E2F8: variants seen among roughly 807,000 people sequenced by gnomAD.
The protein encoded by E2F8 is transcription factor E2F8.
In E2F8, 35 loss-of-function variants were observed where a neutral mutation model predicts 80.8. That is an observed-to-expected ratio of 0.43 (90% CI 0.33 to 0.57). The LOEUF (loss-of-function observed/expected upper bound fraction) is 0.57. Among genes scored for constraint, E2F8 ranks in the 20% least tolerant of loss-of-function variants. E2F8 has a pLI of 0.04. For synonymous variants in E2F8, 386 were observed against 395.0 expected, an observed-to-expected ratio of 0.98 and a Z score of 0.27; for missense variants, 975 against 1,056.2, an observed-to-expected ratio of 0.92 and a Z score of 1.07.
At chr11:19,236,069 G>A (rs944479375) in intron 4 of E2F8, among the ~76,000 whole-genome samples, 16 of 152,180 alleles carry the variant, frequency 1.1e-4, no homozygotes, top group African/African-American at 3.6e-4. Context: ...TATTTGATGA[G>A]ATCAGCCTTT....
chr11:19,241,636 C>T (rs917814514), upstream of E2F8: 13 of 152,466 alleles, frequency 8.5e-5, no homozygotes, highest in African/African-American at 2.9e-4. This position sits in a 1 kb window ranked among gnomAD's most constrained non-coding sequence, Gnocchi z 4.5. Flanking sequence ...TAACCCGCTC[C>T]CGGCGCGAGC....
intron 10 of E2F8, among the ~76,000 whole-genome samples, chr11:19,228,912 C>T (rs1037347177): frequency 6.6e-6 from 1 of 152,132 alleles, no homozygotes; most frequent in Non-Finnish European, 1.5e-5. Context: ...CTCTAGAAAC[C>T]AATACATGAA....
Position 19,238,141 on chromosome 11 carries a change from A to G in E2F8, c.16-9T>C, listed in dbSNP as rs768562742. The G allele has an allele frequency of 6.3e-7, 1 of 1,594,504 alleles. No individual in the cohort carries two copies. Among genetic ancestry groups the G allele is most frequent in the African/African-American group, 1.4e-5 (1 of 73,654 alleles). ...TCACAAAAGAGATTTTCCTGGTTTA[A>G]AAAATGTAAATAATTAAATCCATGG... On this transcript the variant is annotated splice_polypyrimidine_tract_variant and intron_variant, in intron 2 of 12. Coordinates refer to ENST00000250024, the MANE Select transcript of E2F8 (RefSeq NM_024680.4).
At chr11:19,239,159 A>C (rs972707655) in intron 2 of E2F8, among the ~76,000 whole-genome samples, 22 of 152,262 alleles carry the variant, frequency 1.4e-4, no homozygotes, top group African/African-American at 4.8e-4. Context: ...TCTTGGGTTT[A>C]TCAAGTGCAT....
chr11:19,225,301 T>C lies in E2F8; in HGVS notation c.2341A>G (p.Arg781Gly), dbSNP rs761903924. 2 of 1,614,202 alleles carry C rather than the reference T, an allele frequency of 1.2e-6. No individual in the cohort carries two copies. Among genetic ancestry groups the C allele is most frequent in the South Asian group, 2.2e-5 (2 of 91,088 alleles). ...ACTGGTGAGTCATAGTTGGTGGCCC[T>C]TCCTTGCTGAGTGCCTGCATTTTCT... The part of the protein sequence containing the change: ...APENAGTQQG[R>G]ATNYDSPVPG... Residue 781 changes from arginine to glycine, a missense_variant, in exon 12 of 13, where the codon AGG becomes GGG. Physicochemically the swap from Arg to Gly is moderately radical, Grantham distance 125. Transcript: ENST00000250024.
intron 2 of E2F8, among the ~76,000 whole-genome samples, 198 bp from the exon 3 acceptor site, chr11:19,238,330 T>A (rs1851577480): frequency 1.3e-5 from 2 of 152,246 alleles, no homozygotes; most frequent in African/African-American, 4.8e-5. Context: ...ACATTTCCCA[T>A]TTTTAATTTT....
intron 10 of E2F8, among the ~76,000 whole-genome samples, chr11:19,228,136 G>A (rs1851283007): frequency 1.3e-5 from 2 of 152,062 alleles, no homozygotes; most frequent in African/African-American, 2.4e-5. Context: ...AGAAGCAGGA[G>A]TATATGGAAA....
At position 19,229,758 on chromosome 11, in the gene E2F8, G is replaced by A. The variant is rs565889381; in HGVS notation, c.1589C>T (p.Ala530Val). Residue 530 changes from alanine to valine, a missense_variant, in exon 10 of 13, where the codon GCC (alanine) becomes GTC (valine). Physicochemically the swap from Ala to Val is moderately conservative, Grantham distance 64. Transcript: ENST00000250024. The surrounding 1 kb of genome is among the most constrained non-coding windows in gnomAD (Gnocchi z 4.3). The stretch of plus-strand genomic sequence containing the variant: ...TTGGGGTGGCGTCACACTTTGGTGG[G>A]CTTGAGTGGGCTGCAGGTAGATGGC... ...SYAIYLQPTQ[A>V]HQSVTPPQGL... The A allele has an allele frequency of 6.2e-7, 1 of 1,614,214 alleles. No individual in the cohort carries two copies. Among genetic ancestry groups the A allele is most frequent in the Admixed American group, 1.7e-5 (1 of 60,030 alleles).
At position 19,225,884 on chromosome 11, in the gene E2F8, G is replaced by C. The variant is rs767718767; in HGVS notation, c.1894-20C>G. On this transcript the variant is annotated intron_variant, in intron 10 of 12. Coordinates refer to ENST00000250024, the MANE Select transcript of E2F8 (RefSeq NM_024680.4). ...CAAGGTCTAGAAAACAAGGAGGAAGGGTTTATTTTACACACAAATACAGGA... is the reference window on the plus strand; with the variant it reads ...CAAGGTCTAGAAAACAAGGAGGAAGCGTTTATTTTACACACAAATACAGGA... 1.2e-6 allele frequency: 2 copies of C among 1,608,096 alleles called. No individual in the cohort carries two copies. The highest frequency in any genetic ancestry group is 1.3e-5 in the African/African-American group (1 of 74,572).
At chr11:19,227,514 G>C (rs146858139) in intron 10 of E2F8, among the ~76,000 whole-genome samples, 94 of 152,166 alleles carry the variant, frequency 6.2e-4, no homozygotes, top group African/African-American at 2.2e-3. Context: ...TTTAACCTAT[G>C]CCAATTCCCT....
intron 10 of E2F8, among the ~76,000 whole-genome samples, chr11:19,227,280 A>G (rs1247125337): frequency 6.6e-6 from 1 of 152,182 alleles, no homozygotes; most frequent in East Asian, 1.9e-4. Flanking sequence ...GTCCCACTCA[A>G]AATCTCTACT....
At chr11:19,237,245 T>C in intron 4 of E2F8, 69 bp downstream of exon 4, 1 of 1,449,550 alleles carries the variant, frequency 6.9e-7, no homozygotes, top group Non-Finnish European at 9.6e-7. Context: ...TGAGCGGGGG[T>C]CTGAAGGAGT....
chr11:19,237,287 C>A (rs763455155), intron 4 of E2F8, 27 bp downstream of exon 4: 5 of 1,611,740 alleles, frequency 3.1e-6, no homozygotes, highest in Non-Finnish European at 1.7e-6. Flanking sequence ...ATTATTAATT[C>A]TTTCAGTGAG....
rs1851644643 is a variant in E2F8 at position 19,240,944 on chromosome 11, G to C, written c.-506C>G. The C allele has an allele frequency of 6.6e-6, 1 of 152,584 alleles. No homozygotes were observed. The highest frequency in any genetic ancestry group is 2.4e-5 in the African/African-American group (1 of 41,458). 9.5% of individuals were successfully genotyped at this position (152,584 alleles called of 1,614,324 possible). A position where few individuals can be genotyped will look rare whatever the true frequency, so the allele number is the denominator to read the frequency against. ...CTGTCCCCCGGCCGCCACTCGCTCA[G>C]TGCACTTCCCCCAACTTTCGGCCAA... On this transcript the variant is annotated 5_prime_UTR_variant, in exon 1 of 13. Coordinates refer to ENST00000250024, the MANE Select transcript of E2F8 (RefSeq NM_024680.4).
chr11:19,225,742 G>T lies in E2F8; in HGVS notation c.2016C>A (p.Ser672=). ...TTTATGTGCACTCACCTGCAATTGG[G>T]GAGCTGTAAATCCTGTGGTTTGGGG... ...ALSPNHRIYS[S]PIAGVIPVTS... is the part of the protein sequence containing the mutation. Residue 672 remains serine (S), a synonymous_variant, in exon 11 of 13, where the codon TCC becomes TCA. Transcript: ENST00000250024. 2.5e-6 allele frequency: 4 copies of T among 1,614,192 alleles called. No homozygotes were observed.
At chr11:19,241,203 G>A (rs975696487), upstream of E2F8, among the ~76,000 whole-genome samples, 2 of 152,154 alleles carry the variant, frequency 1.3e-5, no homozygotes, top group Non-Finnish European at 2.9e-5. The surrounding 1 kb of genome is among the most constrained non-coding windows in gnomAD (Gnocchi z 4.5). Context: ...CTGAGCGCGG[G>A]CAAACCCGCG....
At chr11:19,226,727 C>G (rs1487581147) in intron 10 of E2F8, among the ~76,000 whole-genome samples, 1 of 152,178 alleles carries the variant, frequency 6.6e-6, no homozygotes, top group African/African-American at 2.4e-5. Flanking sequence ...CTATCTGGCC[C>G]TTTAAAGAAC....
chr11:19,225,522 A>T lies in E2F8; in HGVS notation c.2120T>A (p.Val707Glu). The change falls in exon 12 of 13, where the codon GTG becomes GAG. Residue 707 changes from valine to glutamate, a missense_variant. By Grantham distance (121) the Val-to-Glu change is moderately radical (BLOSUM62 -2). Transcript: ENST00000250024. ...GCTGTTCCCGACAGGTACGGCTGCC[A>T]CGGAAGTTGGTGAGACCATTAGCTT... ...PLKLMVSPTS[V>E]AAVPVGNSPA... 10 of 1,614,226 alleles carry T rather than the reference A, an allele frequency of 6.2e-6. No individual in the cohort carries two copies. The highest frequency in any genetic ancestry group is 7.6e-6 in the Non-Finnish European group (9 of 1,180,038).
chr11:19,235,680 G>A (rs571258821), intron 4 of E2F8, among the ~76,000 whole-genome samples: 9 of 149,652 alleles, frequency 6.0e-5, no homozygotes, highest in African/African-American at 1.5e-4. Flanking sequence ...AAAAAAAAAC[G>A]ATGAGAAAAC....
Sources: allele counts gnomAD v4.1 joint callset (sites outside exome capture counted in the v4.1 genomes callset), GRCh38; gene constraint gnomAD v4.1.1; non-coding constraint Gnocchi (gnomAD v3.1); transcripts MANE v1.5; gene names NCBI Gene and HGNC (gene_info 2026-07-23, HGNC 2026-07-21).